Variants in AGBL3 observed in about 807,000 individuals in gnomAD.
AGBL3 encodes the protein AGBL carboxypeptidase 3.
A neutral mutation model predicts 94.5 loss-of-function variants in AGBL3; 68 were observed. That is an observed-to-expected ratio of 0.72 (90% CI 0.59 to 0.88). AGBL3 has a LOEUF of 0.88. Among genes scored for constraint, AGBL3 ranks in the 40% least tolerant of loss-of-function variants. The pLI is 0.00. For synonymous variants in AGBL3, 354 were observed against 370.7 expected, an observed-to-expected ratio of 0.95 and a Z score of 0.52; for missense variants, 934 against 1,103.8, an observed-to-expected ratio of 0.85 and a Z score of 2.18.
At chr7:135,123,466 G>A (rs4732101) in intron 16 of AGBL3, among the ~76,000 whole-genome samples, 141,673 of 152,252 alleles carry the variant, frequency 0.93, 66,701 homozygotes, top group Non-Finnish European at 1. Flanking sequence ...TGGAAAACAC[G>A]CTTTATGATA....
At chr7:135,045,446 A>C in intron 9 of AGBL3, 28 bp from the exon 10 acceptor site, 1 of 1,522,370 alleles carries the variant, frequency 6.6e-7, no homozygotes, top group Non-Finnish European at 8.9e-7. Context: ...CTTACCCTCA[A>C]GGGTGGATAA....
chr7:135,018,022 C>A (rs1454779389), intron 5 of AGBL3, among the ~76,000 whole-genome samples: 1 of 152,076 alleles, frequency 6.6e-6, no homozygotes, highest in Non-Finnish European at 1.5e-5. Flanking sequence ...AGGGTCTTCT[C>A]AGGAATTAGA....
intron 11 of AGBL3, among the ~76,000 whole-genome samples, chr7:135,050,784 T>C (rs1817804635): frequency 6.6e-6 from 1 of 152,064 alleles, no homozygotes. Context: ...ATCCCTTAAT[T>C]CAGTCTACGT....
chr7:135,082,630 C>T (rs1821013008), intron 15 of AGBL3, among the ~76,000 whole-genome samples: 1 of 152,002 alleles, frequency 6.6e-6, no homozygotes, highest in Non-Finnish European at 1.5e-5. Flanking sequence ...CATATTCAAA[C>T]CTTTAACGTT....
chr7:134,994,549 C>T (rs1004504984), intron 4 of AGBL3, among the ~76,000 whole-genome samples: 7 of 152,098 alleles, frequency 4.6e-5, no homozygotes, highest in Non-Finnish European at 1.0e-4. Context: ...TTGATTGAGG[C>T]ACGCAAACAT....
intron 4 of AGBL3, among the ~76,000 whole-genome samples, chr7:135,015,174 G>T (rs1422116303): frequency 6.6e-6 from 1 of 152,162 alleles, no homozygotes; most frequent in Non-Finnish European, 1.5e-5. Context: ...AGATGAAATT[G>T]CTTACTATAG....
rs1263808127 is a variant in AGBL3, at chr7:135,034,823, G to A, written c.1232G>A (p.Gly411Glu). The change falls in exon 7 of 17, where the codon GGA (glycine) becomes GAA (glutamate). Residue 411 changes from glycine to glutamate, a missense_variant. Coordinates refer to ENST00000436302, the MANE Select transcript of AGBL3 (RefSeq NM_178563.4). ...PMLNPDGVIV[G>E]NYRCSLAGRD... ...CTCAATCCAGATGGTGTGATTGTGG[G>A]AAATTATCGCTGTTCCTTAGCTGGA... is the stretch of plus-strand genomic sequence containing the variant. The A allele has an allele frequency of 5.2e-6, 8 of 1,552,120 alleles. No individual in the cohort carries two copies. Among genetic ancestry groups the A allele is most frequent in the African/African-American group, 1.4e-5 (1 of 73,158 alleles).
intron 16 of AGBL3, chr7:135,128,953 G>A: frequency 6.4e-7 from 1 of 1,574,662 alleles, no homozygotes; most frequent in Non-Finnish European, 8.7e-7. Context: ...AAGAAGCTGG[G>A]TAGTGAATGC....
At chr7:135,118,803 C>CAG (rs199805169) in intron 16 of AGBL3, among the ~76,000 whole-genome samples, 2 of 151,226 alleles carry the variant, frequency 1.3e-5, no homozygotes, top group African/African-American at 4.9e-5. Context: ...ATAGCCTCAG[C>CAG]AGAGAGAGAG....
chr7:135,050,039 A>G (rs1441809018), intron 11 of AGBL3, among the ~76,000 whole-genome samples: 1 of 151,834 alleles, frequency 6.6e-6, no homozygotes, highest in African/African-American at 2.4e-5. Context: ...ATTTATCACA[A>G]TAAATTTCCC....
chr7:135,050,850 T>G (rs1817813129), intron 11 of AGBL3, among the ~76,000 whole-genome samples: 2 of 152,060 alleles, frequency 1.3e-5, no homozygotes, highest in South Asian at 4.1e-4. Context: ...GGGTCCTCTT[T>G]TTTTAATCCA....
intron 4 of AGBL3, 143 bp from the exon 5 acceptor site, chr7:135,016,909 A>G: frequency 1.6e-6 from 1 of 627,780 alleles, no homozygotes; most frequent in East Asian, 2.8e-5. Context: ...CATTATTCCA[A>G]TGAACCCTTA....
intron 16 of AGBL3, among the ~76,000 whole-genome samples, chr7:135,122,754 G>A (rs1827320414): frequency 6.6e-6 from 1 of 152,102 alleles, no homozygotes; most frequent in African/African-American, 2.4e-5. Flanking sequence ...CAGATGACGA[G>A]GGCCTGAAGT....
At chr7:134,998,396 C>T (rs578063222) in intron 4 of AGBL3, among the ~76,000 whole-genome samples, 1 of 152,310 alleles carries the variant, frequency 6.6e-6, no homozygotes, top group South Asian at 2.1e-4. Context: ...GAGCCTCTCT[C>T]AAAACACCAG....
chr7:135,105,070 G>GC (rs1824453354), intron 15 of AGBL3, among the ~76,000 whole-genome samples: 2 of 127,078 alleles, frequency 1.6e-5, no homozygotes, highest in Non-Finnish European at 3.2e-5. Flanking sequence ...TTACATTCAA[G>GC]TTTTTTTTTT....
At chr7:135,010,044 G>A (rs1382827179) in intron 4 of AGBL3, 2 of 432,580 alleles carry the variant, frequency 4.6e-6, no homozygotes, top group East Asian at 1.4e-4. Flanking sequence ...TTTTTAAGAT[G>A]GAGTCTCATG....
At position 135,115,520 on chromosome 7, in the gene AGBL3, T is replaced by C; in HGVS notation, c.2251T>C (p.Leu751=). The C allele has an allele frequency of 1.3e-6, 2 of 1,551,474 alleles. No individual in the cohort carries two copies. Among genetic ancestry groups the C allele is most frequent in the South Asian group, 2.4e-5 (2 of 84,058 alleles). The change falls in exon 16 of 17, where the codon TTG becomes CTG. Residue 751 remains leucine, a synonymous_variant. Transcript: ENST00000436302. The stretch of plus-strand genomic sequence containing the variant: ...TCAAACTCAAGAAATATTGCAGTAT[T>C]TGCTCCCCATCGTGCATAGCACTAA... The part of the protein sequence containing the change: ...IVQTQEILQY[L]LPIVHSTKNM...
In AGBL3 at chr7:135,034,604, A is replaced by T; in HGVS notation, c.1013A>T (p.Tyr338Phe). The change falls in exon 7 of 17, where the codon TAT becomes TTT. Residue 338 changes from tyrosine (Y) to phenylalanine (F), a missense_variant. Physicochemically the swap from Tyr to Phe is conservative, Grantham distance 22. This residue lies in a region of AGBL3 where 488 missense variants were observed against 563.6 expected (regional missense o/e 0.87). Coordinates refer to ENST00000436302, the MANE Select transcript of AGBL3 (RefSeq NM_178563.4). ...CACACGCTTGCTAGGAACATGGTGT[A>T]TATTTTAACAATCACTACCCCCTTG... Reference protein sequence around the residue: ...LCHTLARNMVYILTITTPLKN... With the variant: ...LCHTLARNMVFILTITTPLKN... 5 of 1,551,760 alleles carry T rather than the reference A, an allele frequency of 3.2e-6. No homozygotes were observed. The highest frequency in any genetic ancestry group is 4.4e-6 in the Non-Finnish European group (5 of 1,146,982).
intron 4 of AGBL3, among the ~76,000 whole-genome samples, chr7:134,997,546 C>G (rs1811164220): frequency 6.6e-6 from 1 of 152,160 alleles, no homozygotes; most frequent in Non-Finnish European, 1.5e-5. Context: ...ATTCAGTGCC[C>G]ACATGGCTGA....
Sources: allele counts gnomAD v4.1 joint callset (sites outside exome capture counted in the v4.1 genomes callset), GRCh38; gene constraint gnomAD v4.1.1; regional missense constraint gnomAD v4.1.1; transcripts MANE v1.5; gene names NCBI Gene and HGNC (gene_info 2026-07-23, HGNC 2026-07-21).